The following HTN1 variants were observed in gnomAD, a reference collection of about 807,000 sequenced individuals.
The protein encoded by HTN1 is histatin 1, also known as histatin-1.
A neutral mutation model predicts 11.2 loss-of-function variants in HTN1; 18 were observed. The observed-to-expected ratio is 1.61, with a 90% CI of 1.12 to 2.39. The LOEUF is 2.39. Among genes scored for constraint, HTN1 ranks in the 30% most tolerant of loss-of-function variants. HTN1 has a pLI of 0.00. For synonymous variants in HTN1, 21 were observed against 20.5 expected (o/e 1.02, Z -0.07); for missense variants, 80 against 67.2 (o/e 1.19, Z -0.67).
chr4:70,056,982 T>C (rs1301572606), intron 5 of HTN1: 2 of 152,190 alleles, frequency 1.3e-5, no homozygotes, highest in Non-Finnish European at 2.9e-5. Context: ...GTATGGTGAT[T>C]CCTCAAGGAT....
At chr4:70,055,081 G>C (rs1428440000) in intron 4 of HTN1, among the ~76,000 whole-genome samples, 1 of 151,986 alleles carries the variant, frequency 6.6e-6, no homozygotes, top group Non-Finnish European at 1.5e-5. Flanking sequence ...AAGAATGTAG[G>C]AGTTGTAAAG....
chr4:70,055,733 G>A (rs73824789), intron 5 of HTN1, 131 bp downstream of exon 5: 7,704 of 562,316 alleles, frequency 0.014, 456 homozygotes, highest in African/African-American at 0.13. Flanking sequence ...GTATTCATTT[G>A]TATAAATGCT....
At chr4:70,053,377 G>C (rs1010337774) in intron 2 of HTN1, among the ~76,000 whole-genome samples, 2 of 152,046 alleles carry the variant, frequency 1.3e-5, no homozygotes, top group African/African-American at 4.8e-5. Flanking sequence ...AAAATTTAGC[G>C]AGCTTTTTAA....
At chr4:70,053,523 T>G (rs1185282706) in intron 2 of HTN1, among the ~76,000 whole-genome samples, 1 of 152,174 alleles carries the variant, frequency 6.6e-6, no homozygotes, top group Non-Finnish European at 1.5e-5. Flanking sequence ...ATAGGAATTT[T>G]CAAGTCATTT....
Position 70,053,092 on chromosome 4 carries a change from T to A in HTN1, c.16T>A (p.Phe6Ile). The change falls in exon 2 of 6, where the codon TTT becomes ATT. Residue 6 changes from phenylalanine to isoleucine, a missense_variant. Transcript: ENST00000246896. MKFFV[F>I]ALVLALMISM... is the part of the protein sequence containing the mutation. ...TCAGCCAACTATGAAGTTTTTTGTC[T>A]TTGCTTTAGTCTTGGCTCTCATGAT... is the stretch of plus-strand genomic sequence containing the variant. The A allele has an allele frequency of 6.2e-7, 1 of 1,610,070 alleles. No homozygotes were observed.
chr4:70,055,559 A>C lies in HTN1; in HGVS notation c.164A>C (p.Tyr55Ser). 1 of 1,554,486 alleles carries C rather than the reference A, an allele frequency of 6.4e-7. No individual in the cohort carries two copies. Among genetic ancestry groups the C allele is most frequent in the South Asian group, 1.1e-5 (1 of 89,798 alleles). ...FYGDYGSNYL[Y>S]DN ...GGGGACTATGGATCAAATTATCTAT[A>C]TGACAATTGATATCCTTAGTAATCA... is the stretch of plus-strand genomic sequence containing the variant. Residue 55 changes from tyrosine (Y) to serine (S), a missense_variant, in exon 5 of 6, where the codon TAT (tyrosine) becomes TCT (serine). Transcript: ENST00000246896.
chr4:70,058,301 T>A (rs1191748159), intron 5 of HTN1: 1 of 152,106 alleles, frequency 6.6e-6, no homozygotes, highest in Non-Finnish European at 1.5e-5. Context: ...AGATGAAATG[T>A]GTAGGCTATA....
At chr4:70,056,128 G>A (rs553654885) in intron 5 of HTN1, 4 of 152,200 alleles carry the variant, frequency 2.6e-5, no homozygotes, top group Admixed American at 2.6e-4. Context: ...TTGAGCAGTG[G>A]TTTGTAGTTC....
intron 1 of HTN1, among the ~76,000 whole-genome samples, chr4:70,052,672 C>G (rs1725922949): frequency 6.6e-6 from 1 of 151,954 alleles, no homozygotes; most frequent in African/African-American, 2.4e-5. Flanking sequence ...ATTCATGAGG[C>G]CATGCCTGGG....
chr4:70,057,456 T>C (rs1726072483), intron 5 of HTN1: 1 of 152,048 alleles, frequency 6.6e-6, no homozygotes, highest in African/African-American at 2.4e-5. Context: ...CATATACCTA[T>C]GTAACAGAAC....
intron 5 of HTN1, chr4:70,055,804 A>G: frequency 2.4e-6 from 1 of 410,624 alleles, no homozygotes; most frequent in South Asian, 3.0e-5. Context: ...ATTGGTCTGT[A>G]TGTTGTTTTG....
chr4:70,052,804 A>G (rs2070718), intron 1 of HTN1: 29,794 of 282,388 alleles, frequency 0.11, 2,155 homozygotes, highest in Middle Eastern at 0.18. Flanking sequence ...AAAAAAAAAA[A>G]AAAGAAAGAA....
rs1373772129 is a variant in HTN1 at position 70,054,302 on chromosome 4, T to C, written c.52-20T>C. 2.2e-6 allele frequency: 3 copies of C among 1,384,666 alleles called. No individual in the cohort carries two copies. The highest frequency in any genetic ancestry group is 2.4e-5 in the East Asian group (1 of 40,864). The allele number at this position is 1,384,666 out of a possible 1,614,324, so 85.8% of individuals were successfully genotyped here. A position where few individuals can be genotyped will look rare whatever the true frequency, so the allele number is the denominator to read the frequency against. On this transcript the variant is annotated intron_variant, in intron 2 of 5. Coordinates refer to ENST00000246896, the MANE Select transcript of HTN1 (RefSeq NM_002159.4). ...TAAAATTAAAATATTAATTATTTTC[T>C]CATTTTCTTTTTTTCCAAGAGCGCT...
At chr4:70,053,377 G>A (rs1010337774) in intron 2 of HTN1, among the ~76,000 whole-genome samples, 1 of 152,046 alleles carries the variant, frequency 6.6e-6, no homozygotes, top group Non-Finnish European at 1.5e-5. Context: ...AAAATTTAGC[G>A]AGCTTTTTAA....
intron 1 of HTN1, among the ~76,000 whole-genome samples, chr4:70,052,549 C>A (rs2109726263): frequency 6.6e-6 from 1 of 152,166 alleles, no homozygotes; most frequent in Middle Eastern, 3.4e-3. Flanking sequence ...CTCAAGCTTG[C>A]CTTTCTTCAT....
intron 5 of HTN1, chr4:70,055,886 CA>C: frequency 5.0e-6 from 1 of 201,182 alleles, no homozygotes; most frequent in Non-Finnish European, 9.9e-6. Context: ...GTGATGCCTT[CA>C]GCTTTGTTCT....
In HTN1 at chr4:70,051,305, A is replaced by T. The variant is rs182719489; in HGVS notation, c.-14+810A>T. 3.3e-5 allele frequency among the ~76,000 whole-genome samples: 5 copies of T among 152,264 alleles called. No homozygotes were observed. In the East Asian group the frequency reaches 9.6e-4, roughly 29 times the overall value. On this transcript the variant is annotated intron_variant, in intron 1 of 5. Transcript: ENST00000246896. ...AAACAGTGCTGTTATAATGCAAAGC[A>T]TATACTGTATAAGAGTTAGTCATCT...
chr4:70,052,816 A>C, intron 1 of HTN1: 2 of 320,022 alleles, frequency 6.2e-6, no homozygotes, highest in Middle Eastern at 9.1e-4. Context: ...AAGAAAGAAA[A>C]AATTCGCTGG....
At chr4:70,051,064 T>C (rs1725879100) in intron 1 of HTN1, among the ~76,000 whole-genome samples, 1 of 152,060 alleles carries the variant, frequency 6.6e-6, no homozygotes, top group African/African-American at 2.4e-5. Flanking sequence ...GGGACCTCAA[T>C]TAACTCTTTT....
Sources: allele counts gnomAD v4.1 joint callset (sites outside exome capture counted in the v4.1 genomes callset), GRCh38; gene constraint gnomAD v4.1.1; transcripts MANE v1.5; gene names NCBI Gene and HGNC (gene_info 2026-07-23, HGNC 2026-07-21).